The following PHF3 variants were observed in gnomAD, a reference collection of about 807,000 sequenced individuals.
PHF3 encodes the protein PHD finger protein 3.
PHF3 carries 41 observed loss-of-function variants against 178.4 expected under a neutral mutation model. That is an observed-to-expected ratio of 0.23 (90% CI 0.18 to 0.30). The LOEUF is 0.30. Ranked by LOEUF, PHF3 falls within the 10% of genes least tolerant of loss-of-function variation. The pLI is 1.00. For missense variants in PHF3, 2,346 were observed against 2,398.1 expected (o/e 0.98, Z 0.45); for synonymous variants, 842 against 800.5 (o/e 1.05, Z -0.88).
rs762792385 is a variant in PHF3 at position 63,679,937 on chromosome 6, G to A, written c.245-63G>A. 7 of 1,294,560 alleles carry A rather than the reference G, an allele frequency of 5.4e-6. No individual in the cohort carries two copies. In the South Asian group the frequency reaches 7.2e-5, roughly 13 times the overall value. 80.2% of individuals were successfully genotyped at this position (1,294,560 alleles called of 1,614,324 possible). On this transcript the variant is annotated intron_variant, in intron 2 of 15. Coordinates refer to ENST00000262043, the MANE Select transcript of PHF3 (RefSeq NM_001370348.2). ...ACTATCTCACAGTATTTTCTGTACT[G>A]CCTTTAATTGCCTAACATTCCCAAT...
intron 2 of PHF3, among the ~76,000 whole-genome samples, chr6:63,667,399 T>G (rs1007708704): frequency 1.2e-4 from 18 of 152,186 alleles, no homozygotes; most frequent in African/African-American, 1.7e-4. Flanking sequence ...ATACTCACAT[T>G]TAGTCATCAC....
At chr6:63,688,401 T>A (rs1283121304) in intron 4 of PHF3, among the ~76,000 whole-genome samples, 5 of 135,250 alleles carry the variant, frequency 3.7e-5, no homozygotes, top group Non-Finnish European at 7.8e-5. Context: ...AGTGGTGTGA[T>A]CTTGGCTGAC....
In PHF3 at chr6:63,648,261, G is replaced by A. The variant is rs1764873868; in HGVS notation, c.244+1466G>A. ...TTTGTTTTATGTATGCATTGTTCAA[G>A]TTTTTTACTTTGGTGCTTGTGTCAG... On this transcript the variant is annotated intron_variant, in intron 2 of 15. Coordinates refer to ENST00000262043, the MANE Select transcript of PHF3 (RefSeq NM_001370348.2). Among the ~76,000 whole-genome samples, 2 of 152,236 alleles carry A rather than the reference G, an allele frequency of 1.3e-5. 1 individual carries two copies. The highest frequency in any genetic ancestry group is 4.1e-4 in the South Asian group (2 of 4,826).
Position 63,700,231 on chromosome 6 carries a change from T to A in PHF3, c.2983-119T>A, listed in dbSNP as rs1767413619. On this transcript the variant is annotated intron_variant, in intron 8 of 15. Transcript: ENST00000262043. The stretch of plus-strand genomic sequence containing the variant: ...TAATCTCTGTGTAGTAGGTAATATA[T>A]AAATAATTAAGTATTTGTAAATCAG... The A allele has an allele frequency of 9.3e-6, 5 of 539,704 alleles. No homozygotes were observed. In the Admixed American group the frequency reaches 1.6e-4, roughly 17 times the overall value. The allele number at this position is 539,704 out of a possible 1,614,324, so 33.4% of individuals were successfully genotyped here.
chr6:63,700,238 TTAAG>T (rs141392758), intron 8 of PHF3, 108 bp from the exon 9 acceptor site: 9,317 of 552,742 alleles, frequency 0.017, 697 homozygotes, highest in African/African-American at 0.16. Flanking sequence ...ATATAAATAA[TTAAG>T]TATTTGTAAA....
chr6:63,679,469 G>A (rs1170597244), intron 2 of PHF3, among the ~76,000 whole-genome samples: 1 of 149,888 alleles, frequency 6.7e-6, no homozygotes, highest in Non-Finnish European at 1.5e-5. Flanking sequence ...TCCTCTCTCT[G>A]TTTTTTTCCG....
At chr6:63,665,177 TTTTTAAAGTAAGAAAAAGAGTTTC>T (rs1323936947) in intron 2 of PHF3, among the ~76,000 whole-genome samples, 1 of 152,138 alleles carries the variant, frequency 6.6e-6, no homozygotes, top group Non-Finnish European at 1.5e-5. Flanking sequence ...GAGTTTTTTC[TTTTTAAAGTAAGAAAAAGAGTTTC>T]TTTCTTATCA....
rs764557039 is a variant in PHF3, at chr6:63,657,693, A to G, written c.244+10898A>G. ...GGCAGAGGTAGAAGAAAATCGATGT[A>G]TAAGTGGAACTGCGCAGTTCAAACC... On this transcript the variant is annotated intron_variant, in intron 2 of 15. Transcript: ENST00000262043. Among the ~76,000 whole-genome samples the G allele has an allele frequency of 1.8e-4, 28 of 152,194 alleles. 1 individual carries two copies. The highest frequency in any genetic ancestry group is 1.4e-3 in the Admixed American group (22 of 15,272).
rs760614750 is a variant in PHF3, at chr6:63,684,639, A to C, written c.917A>C (p.Glu306Ala). The C allele has an allele frequency of 7.4e-6, 12 of 1,613,784 alleles. No individual in the cohort carries two copies. The highest frequency in any genetic ancestry group is 8.5e-6 in the Non-Finnish European group (10 of 1,179,912). ...QNDSISGKTG[E>A]TVVEEMIATR... ...GATTCCATTTCAGGTAAAACGGGTG[A>C]GACTGTTGTTGAAGAAATGATAGCA... The change falls in exon 4 of 16, where the codon GAG becomes GCG. Residue 306 changes from glutamate to alanine, a missense_variant. Around this residue, in one of 8 missense-constraint regions of PHF3, gnomAD observed 843 missense variants for 795.2 expected, o/e 1.06. Transcript: ENST00000262043.
At position 63,711,161 on chromosome 6, in the gene PHF3, G is replaced by C; in HGVS notation, c.3802-6G>C. ...TTAAACAATTATTTGTTATTTTCTT[G>C]AACAGGAAATTTGTGTGGTTCGCTT... On this transcript the variant is annotated splice_region_variant and splice_polypyrimidine_tract_variant and intron_variant, in intron 14 of 15. Coordinates refer to ENST00000262043, the MANE Select transcript of PHF3 (RefSeq NM_001370348.2). 1 of 1,573,634 alleles carries C rather than the reference G, an allele frequency of 6.4e-7. No homozygotes were observed. The highest frequency in any genetic ancestry group is 8.6e-7 in the Non-Finnish European group (1 of 1,160,062).
chr6:63,711,796 C>T lies in PHF3; in HGVS notation c.4208C>T (p.Thr1403Ile), dbSNP rs1308922789. The change falls in exon 16 of 16, where the codon ACA (threonine) becomes ATA (isoleucine). Residue 1403 changes from threonine (T) to isoleucine (I), a missense_variant. By Grantham distance (89) the Thr-to-Ile change is moderately conservative. This residue lies in a region of PHF3 where 839 missense variants were observed against 806.9 expected (regional missense o/e 1.04). Transcript: ENST00000262043. The stretch of plus-strand genomic sequence containing the variant: ...GAAAATGACTTTTTTAATTCTTTTA[C>T]AACTGTATTACACAAGCAGAGAAAT... ...EEENDFFNSF[T>I]TVLHKQRNKP... is the part of the protein sequence containing the mutation. 1 of 1,613,430 alleles carries T rather than the reference C, an allele frequency of 6.2e-7. No homozygotes were observed. The highest frequency in any genetic ancestry group is 8.5e-7 in the Non-Finnish European group (1 of 1,179,702).
intron 1 of PHF3, chr6:63,636,583 G>GA (rs1310064356): frequency 1.3e-5 from 2 of 152,234 alleles, no homozygotes; most frequent in African/African-American, 2.4e-5. Flanking sequence ...CCTTCTCAGG[G>GA]AGCCCCAGCA....
intron 2 of PHF3, among the ~76,000 whole-genome samples, chr6:63,672,888 T>C (rs529264540): frequency 6.6e-6 from 1 of 152,350 alleles, no homozygotes; most frequent in African/African-American, 2.4e-5. Flanking sequence ...CCAATCCAGC[T>C]GTTTCTGTAC....
At chr6:63,709,591 A>G (rs1168613177) in intron 14 of PHF3, among the ~76,000 whole-genome samples, 1 of 152,190 alleles carries the variant, frequency 6.6e-6, no homozygotes, top group African/African-American at 2.4e-5. Context: ...AAGAGAATCT[A>G]AAATATAGTG....
intron 2 of PHF3, among the ~76,000 whole-genome samples, chr6:63,655,400 A>G (rs529940859): frequency 6.6e-6 from 1 of 151,876 alleles, no homozygotes; most frequent in Non-Finnish European, 1.5e-5. Context: ...TTTTGTAGAG[A>G]CAGGGTTTCA....
intron 6 of PHF3, among the ~76,000 whole-genome samples, chr6:63,697,775 TAAGTCAG>T (rs1582098951): frequency 6.6e-6 from 1 of 152,208 alleles, no homozygotes; most frequent in East Asian, 1.9e-4. Context: ...GCTGGTATAA[TAAGTCAG>T]AGCAGTGGGA....
intron 1 of PHF3, among the ~76,000 whole-genome samples, chr6:63,642,817 A>G (rs972662409): frequency 1.3e-5 from 2 of 152,214 alleles, no homozygotes; most frequent in Non-Finnish European, 2.9e-5. Context: ...TGTTTAATTA[A>G]CAAAGATACT....
At chr6:63,636,653 C>G (rs1180678425) in intron 1 of PHF3, 1 of 152,430 alleles carries the variant, frequency 6.6e-6, no homozygotes, top group Non-Finnish European at 1.5e-5. Flanking sequence ...AGGCTGCTCC[C>G]TGCTGCTGCT....
intron 2 of PHF3, among the ~76,000 whole-genome samples, chr6:63,654,970 T>A (rs1265996022): frequency 7.0e-6 from 1 of 143,736 alleles, no homozygotes; most frequent in Non-Finnish European, 1.5e-5. Context: ...CTCAGCTCAC[T>A]GCAACGTCCA....
Sources: allele counts gnomAD v4.1 joint callset (sites outside exome capture counted in the v4.1 genomes callset), GRCh38; gene constraint gnomAD v4.1.1; regional missense constraint gnomAD v4.1.1; transcripts MANE v1.5; gene names NCBI Gene and HGNC (gene_info 2026-07-23, HGNC 2026-07-21).